The following PREX2 variants were observed in gnomAD, a reference collection of about 807,000 sequenced individuals.
The protein encoded by PREX2 is phosphatidylinositol-3,4,5-trisphosphate dependent Rac exchange factor 2.
Under a neutral mutation model 203.2 loss-of-function variants are expected in PREX2, and 107 were observed. The ratio of observed to expected loss-of-function variants is 0.53; its 90% CI spans 0.45 to 0.62. The LOEUF is 0.62. Among genes scored for constraint, PREX2 ranks in the 20% least tolerant of loss-of-function variants. The pLI, the probability that PREX2 is intolerant of heterozygous loss-of-function variation, is 0.00. For missense variants in PREX2, 1,777 were observed against 1,955.9 expected (o/e 0.91, Z 1.72); for synonymous variants, 672 against 663.6 (o/e 1.01, Z -0.19).
At chr8:68,199,440 T>G (rs924162252) in intron 37 of PREX2, among the ~76,000 whole-genome samples, 1 of 152,258 alleles carries the variant, frequency 6.6e-6, no homozygotes, top group Non-Finnish European at 1.5e-5. Flanking sequence ...TGCTGCAGAC[T>G]GGGGTTGAAT....
chr8:68,117,089 AG>A (rs1412782559), intron 26 of PREX2, among the ~76,000 whole-genome samples: 1 of 152,252 alleles, frequency 6.6e-6, no homozygotes, highest in African/African-American at 2.4e-5. Flanking sequence ...TGCAATGAAA[AG>A]ATATTGATTA....
intron 1 of PREX2, among the ~76,000 whole-genome samples, chr8:67,996,361 A>C: frequency 6.7e-6 from 1 of 148,188 alleles, no homozygotes; most frequent in African/African-American, 2.4e-5. Context: ...ATGCCTGGCT[A>C]ATTTTTTTTT....
At chr8:68,157,272 G>T (rs757789589) in intron 34 of PREX2, 50 bp from the exon 35 acceptor site, 10 of 953,834 alleles carry the variant, frequency 1.0e-5, no homozygotes, top group Non-Finnish European at 1.6e-5. Context: ...TACACGTGGA[G>T]AAATTGAGTT....
intron 37 of PREX2, among the ~76,000 whole-genome samples, chr8:68,211,764 G>T (rs1812746877): frequency 6.6e-6 from 1 of 152,098 alleles, no homozygotes; most frequent in African/African-American, 2.4e-5. Flanking sequence ...TTTGTACAAT[G>T]GTACTAAGAT....
At position 68,114,515 on chromosome 8, in the gene PREX2, T is replaced by G. The variant is rs540370100; in HGVS notation, c.3147-1238T>G. On this transcript the variant is annotated intron_variant, in intron 25 of 39. Transcript: ENST00000288368. Reference sequence around the variant, plus strand: ...TTTAGCATGCTCTTTGATAATAAAGTTCAATTCCATTTTTGCCTAATTTTG... The same window carrying G: ...TTTAGCATGCTCTTTGATAATAAAGGTCAATTCCATTTTTGCCTAATTTTG... Among the ~76,000 whole-genome samples, 7 of 152,302 alleles carry G rather than the reference T, an allele frequency of 4.6e-5. No homozygotes were observed. In the South Asian group the frequency reaches 1.4e-3, roughly 32 times the overall value.
At chr8:68,065,043 T>C (rs1808975679) in intron 11 of PREX2, among the ~76,000 whole-genome samples, 1 of 152,188 alleles carries the variant, frequency 6.6e-6, no homozygotes. Flanking sequence ...CGAACTGTAG[T>C]TTATACACCC....
intron 10 of PREX2, among the ~76,000 whole-genome samples, chr8:68,057,974 T>C (rs1207234808): frequency 1.3e-5 from 2 of 152,240 alleles, no homozygotes; most frequent in Admixed American, 6.5e-5. Flanking sequence ...TGATGCTATA[T>C]GAAGCTTCTC....
intron 11 of PREX2, among the ~76,000 whole-genome samples, chr8:68,066,287 G>A (rs932956374): frequency 5.3e-5 from 8 of 151,996 alleles, no homozygotes; most frequent in African/African-American, 1.9e-4. Flanking sequence ...TTAGCTTTTT[G>A]AGGAACTTTC....
rs957683597 is a variant in PREX2 at position 68,072,854 on chromosome 8, A to G, written c.1569+284A>G. ...TAATTTGAGAATCTGAAGAATAGCT[A>G]TGCTCATTTACTAAAATATTTTTAT... On this transcript the variant is annotated intron_variant, in intron 14 of 39. Transcript: ENST00000288368. Among the ~76,000 whole-genome samples, 78 of 152,150 alleles carry G rather than the reference A, an allele frequency of 5.1e-4. 2 individuals carry two copies. Among genetic ancestry groups the G allele is most frequent in the Non-Finnish European group, 2.1e-4 (14 of 68,020 alleles).
intron 8 of PREX2, among the ~76,000 whole-genome samples, chr8:68,049,485 T>A (rs1808458380): frequency 6.6e-6 from 1 of 152,078 alleles, no homozygotes; most frequent in African/African-American, 2.4e-5. Flanking sequence ...TGTATCAGTT[T>A]TGGAAAAATC....
intron 25 of PREX2, among the ~76,000 whole-genome samples, chr8:68,113,344 G>C (rs551093308): frequency 6.6e-6 from 1 of 152,238 alleles, no homozygotes; most frequent in South Asian, 2.1e-4. Flanking sequence ...CATAAGCACA[G>C]AGGCCTCTTG....
At chr8:68,075,674 A>AT (rs1233554994) in intron 14 of PREX2, among the ~76,000 whole-genome samples, 2 of 152,174 alleles carry the variant, frequency 1.3e-5, no homozygotes, top group East Asian at 1.9e-4. Context: ...GGTTTAATAT[A>AT]TTTTTTCTAT....
At chr8:68,037,707 T>A (rs1300726295) in intron 6 of PREX2, among the ~76,000 whole-genome samples, 1 of 152,148 alleles carries the variant, frequency 6.6e-6, no homozygotes, top group Non-Finnish European at 1.5e-5. Context: ...CTTTTCTCCA[T>A]CCTAGGGGTG....
At chr8:68,012,241 C>T (rs1807286165) in intron 1 of PREX2, among the ~76,000 whole-genome samples, 1 of 152,082 alleles carries the variant, frequency 6.6e-6, no homozygotes, top group Non-Finnish European at 1.5e-5. Context: ...TGGTAATTAT[C>T]GTCACATCTT....
chr8:68,076,714 C>CACACACACACAT (rs1809360441), intron 14 of PREX2, among the ~76,000 whole-genome samples: 3 of 134,976 alleles, frequency 2.2e-5, no homozygotes, highest in Non-Finnish European at 4.9e-5. Flanking sequence ...CACACACACA[C>CACACACACACAT]ACACACACAC....
intron 35 of PREX2, among the ~76,000 whole-genome samples, chr8:68,168,980 A>C (rs149414008): frequency 0.024 from 3,657 of 151,928 alleles, 54 homozygotes; most frequent in Middle Eastern, 0.054. Flanking sequence ...TATAAGTTTC[A>C]GAAACCAAAC....
chr8:68,083,846 C>A (rs1176758111), intron 18 of PREX2, among the ~76,000 whole-genome samples: 2 of 152,072 alleles, frequency 1.3e-5, no homozygotes. Flanking sequence ...GTAATTTGTC[C>A]ATTTCTTTAA....
At chr8:68,206,797 C>T (rs1812634416) in intron 37 of PREX2, among the ~76,000 whole-genome samples, 1 of 152,170 alleles carries the variant, frequency 6.6e-6, no homozygotes, top group Admixed American at 6.5e-5. Flanking sequence ...GCCTGGGAGA[C>T]CCCAGGATGC....
At position 68,028,732 on chromosome 8, in the gene PREX2, C is replaced by T. The variant is rs536054903; in HGVS notation, c.543+1409C>T. Among the ~76,000 whole-genome samples, 9 of 152,028 alleles carry T rather than the reference C, an allele frequency of 5.9e-5. No homozygotes were observed. The East Asian group carries it at 1.6e-3, about 26-fold the overall frequency. On this transcript the variant is annotated intron_variant, in intron 5 of 39. Coordinates refer to ENST00000288368, the MANE Select transcript of PREX2 (RefSeq NM_024870.4). Reference sequence around the variant, plus strand: ...ACTCAGTTTGCATGTGTACTCATAACTGCAGTTATTCCTGACCCTGATTTT... The same window carrying T: ...ACTCAGTTTGCATGTGTACTCATAATTGCAGTTATTCCTGACCCTGATTTT...
Sources: gnomAD v4.1 joint callset for allele counts (sites outside exome capture counted in the v4.1 genomes callset) on GRCh38, gnomAD v4.1.1 for gene constraint, MANE v1.5 for transcripts, NCBI Gene and HGNC (gene_info 2026-07-23, HGNC 2026-07-21) for gene names.